The following KCNMB2 variants were observed in gnomAD, a reference collection of about 807,000 sequenced individuals.
The protein encoded by KCNMB2 is calcium-activated potassium channel subunit beta-2.
In KCNMB2, 9 loss-of-function variants were observed where a neutral mutation model predicts 24.5. The ratio of observed to expected loss-of-function variants is 0.37; its 90% confidence interval spans 0.22 to 0.64. The LOEUF (loss-of-function observed/expected upper bound fraction) is 0.64. KCNMB2 is among the 30% of genes least tolerant of loss of function. KCNMB2 has a pLI of 0.63. For synonymous variants in KCNMB2, 109 were observed against 104.4 expected, an observed-to-expected ratio of 1.04 and a Z score of -0.27; for missense variants, 226 against 284.3, an observed-to-expected ratio of 0.79 and a Z score of 1.47.
chr3:178,707,703 T>G (rs557710256), intron 1 of KCNMB2, among the ~76,000 whole-genome samples: 2 of 138,724 alleles, frequency 1.4e-5, no homozygotes, highest in African/African-American at 5.7e-5. Flanking sequence ...CAGTGAAAAC[T>G]GTTAAAATCA....
intron 1 of KCNMB2, among the ~76,000 whole-genome samples, chr3:178,709,777 T>C (rs1398251140): frequency 6.6e-6 from 1 of 152,166 alleles, no homozygotes; most frequent in South Asian, 2.1e-4. Context: ...TGGTATTTGT[T>C]TCCCAGTCTT....
At chr3:178,692,896 C>T (rs1050373157) in intron 1 of KCNMB2, among the ~76,000 whole-genome samples, 1 of 151,978 alleles carries the variant, frequency 6.6e-6, no homozygotes. Context: ...GAATGTTTTC[C>T]CATTTGTTTG....
chr3:178,666,033 A>G (rs1262777260), intron 1 of KCNMB2, among the ~76,000 whole-genome samples: 1 of 152,128 alleles, frequency 6.6e-6, no homozygotes. Context: ...AGGCCTCTAC[A>G]CTTTAGCTCT....
rs1489098621 is a variant in KCNMB2 at position 178,564,003 on chromosome 3, AGGTGTGGT to A, written c.-68+27295_-68+27302del. 3.9e-3 allele frequency among the ~76,000 whole-genome samples: 594 copies of A among 152,292 alleles called. 3 individuals carry two copies. Among genetic ancestry groups the A allele is most frequent in the African/African-American group, 0.014 (571 of 41,564 alleles). Reference sequence around the variant, plus strand: ...TTTTTAAAACATTGAGATTCTGGCCAGGTGTGGTGGCTCATGCTTGTAATCCCAGCACT... The same window carrying A: ...TTTTTAAAACATTGAGATTCTGGCCAGGCTCATGCTTGTAATCCCAGCACT... On this transcript the variant is annotated intron_variant, in intron 1 of 4. Coordinates refer to ENST00000452583, the MANE Select transcript of KCNMB2 (RefSeq NM_181361.3).
intron 1 of KCNMB2, among the ~76,000 whole-genome samples, chr3:178,715,001 A>G (rs928623021): frequency 5.3e-5 from 8 of 152,208 alleles, no homozygotes; most frequent in African/African-American, 1.9e-4. Context: ...CACTGAAAAG[A>G]AAAAAATATC....
Position 178,606,512 on chromosome 3 carries a change from T to C in KCNMB2, c.-68+69801T>C, listed in dbSNP as rs144020141. On this transcript the variant is annotated intron_variant, in intron 1 of 4. Coordinates refer to ENST00000452583, the MANE Select transcript of KCNMB2 (RefSeq NM_181361.3). ...TTTGTGGAAATTTCTTTCCTTTGTC[T>C]GAGCCATCTTTGAATTTTGGAAGTA... Among the ~76,000 whole-genome samples, 176 of 151,662 alleles carry C rather than the reference T, an allele frequency of 1.2e-3. 3 individuals carry two copies. The East Asian group carries it at 0.032, about 28-fold the overall frequency.
intron 1 of KCNMB2, among the ~76,000 whole-genome samples, chr3:178,668,622 C>T (rs1170374502): frequency 6.6e-6 from 1 of 152,106 alleles, no homozygotes; most frequent in Non-Finnish European, 1.5e-5. Context: ...CCTAAAGTTA[C>T]GGATCTGTGC....
chr3:178,696,199 G>A (rs1216761402), intron 1 of KCNMB2, among the ~76,000 whole-genome samples: 1 of 152,202 alleles, frequency 6.6e-6, no homozygotes, highest in Non-Finnish European at 1.5e-5. Flanking sequence ...TTACTATCAT[G>A]AGAACAGGAT....
chr3:178,716,780 G>T (rs1722632894), intron 1 of KCNMB2, among the ~76,000 whole-genome samples: 1 of 152,134 alleles, frequency 6.6e-6, no homozygotes, highest in Non-Finnish European at 1.5e-5. Flanking sequence ...CTCAGGGACA[G>T]GTTTTCCACA....
At position 178,722,773 on chromosome 3, in the gene KCNMB2, G is replaced by T. The variant is rs374856726; in HGVS notation, c.-67-84570G>T. Among the ~76,000 whole-genome samples the T allele has an allele frequency of 3.5e-4, 54 of 152,234 alleles. 1 individual carries two copies. The South Asian group carries it at 0.011, about 31-fold the overall frequency. ...CTGGGTGTGGTGATGCATGCTTGTG[G>T]TCCCAGTTACTCAGCAGGCTGAGGT... On this transcript the variant is annotated intron_variant, in intron 1 of 4. Transcript: ENST00000452583.
chr3:178,624,187 C>T (rs186902388), intron 1 of KCNMB2, among the ~76,000 whole-genome samples: 1 of 151,190 alleles, frequency 6.6e-6, no homozygotes, highest in East Asian at 1.9e-4. Context: ...AATCAAACCT[C>T]AGAGAATTAA....
intron 1 of KCNMB2, among the ~76,000 whole-genome samples, chr3:178,791,314 A>C (rs1008551270): frequency 2.6e-5 from 4 of 152,250 alleles, no homozygotes; most frequent in African/African-American, 9.6e-5. Flanking sequence ...AAAATTCTGG[A>C]GTTGAAAAAT....
chr3:178,639,284 T>C (rs188096010), intron 1 of KCNMB2, among the ~76,000 whole-genome samples: 7 of 152,304 alleles, frequency 4.6e-5, no homozygotes, highest in African/African-American at 9.6e-5. Context: ...GATGTGAGCA[T>C]TGAGGCACAG....
intron 1 of KCNMB2, among the ~76,000 whole-genome samples, chr3:178,791,009 A>G (rs1713300329): frequency 6.6e-6 from 1 of 152,164 alleles, no homozygotes; most frequent in Non-Finnish European, 1.5e-5. Flanking sequence ...GGACAGATAC[A>G]AACTACTCCA....
chr3:178,666,127 C>G (rs932813380), intron 1 of KCNMB2, among the ~76,000 whole-genome samples: 1 of 152,066 alleles, frequency 6.6e-6, no homozygotes, highest in Admixed American at 6.6e-5. Context: ...GAAAAGGTTA[C>G]TTAAAACATG....
chr3:178,578,773 G>T (rs1236586849), intron 1 of KCNMB2, among the ~76,000 whole-genome samples: 3 of 151,874 alleles, frequency 2.0e-5, no homozygotes, highest in Non-Finnish European at 4.4e-5. Context: ...GATCAAAAAA[G>T]ACAAGAGCAT....
chr3:178,841,308 A>G, intron 4 of KCNMB2, among the ~76,000 whole-genome samples: 1 of 152,004 alleles, frequency 6.6e-6, no homozygotes, highest in Middle Eastern at 3.2e-3. Context: ...CATTCAACAA[A>G]TCTCTAGGAA....
intron 1 of KCNMB2, among the ~76,000 whole-genome samples, chr3:178,591,631 G>A (rs1717678319): frequency 6.6e-6 from 1 of 152,164 alleles, no homozygotes; most frequent in Non-Finnish European, 1.5e-5. Context: ...CTCCATTGCT[G>A]ATGGTGTGTT....
intron 1 of KCNMB2, among the ~76,000 whole-genome samples, chr3:178,792,244 A>C (rs1264246530): frequency 1.3e-5 from 2 of 152,210 alleles, no homozygotes; most frequent in Admixed American, 1.3e-4. Flanking sequence ...TAAAAGTGGG[A>C]TGAATTGAGT....
Sources: allele counts gnomAD v4.1 joint callset (sites outside exome capture counted in the v4.1 genomes callset), GRCh38; gene constraint gnomAD v4.1.1; transcripts MANE v1.5; gene names NCBI Gene and HGNC (gene_info 2026-07-23, HGNC 2026-07-21).